Variants in ROR1 observed in about 807,000 individuals in gnomAD.
ROR1 encodes the protein inactive tyrosine-protein kinase transmembrane receptor ROR1.
A neutral mutation model predicts 78.8 loss-of-function variants in ROR1; 19 were observed. The observed-to-expected ratio is 0.24, with a 90% CI of 0.17 to 0.35. The LOEUF is 0.35. Ranked by LOEUF, ROR1 falls within the 10% of genes least tolerant of loss-of-function variation. The pLI, the probability that ROR1 is intolerant of heterozygous loss-of-function variation, is 1.00. For synonymous variants in ROR1, 386 were observed against 433.6 expected (o/e 0.89, Z 1.36); for missense variants, 917 against 1,177.8 (o/e 0.78, Z 3.24).
intron 1 of ROR1, among the ~76,000 whole-genome samples, chr1:63,955,233 T>C (rs984553618): frequency 2.0e-5 from 3 of 152,176 alleles, no homozygotes; most frequent in African/African-American, 7.2e-5. Flanking sequence ...CAGATATTAA[T>C]TTTACTTTTT....
rs376094036 is a variant in ROR1, at chr1:63,841,165, C to G, written c.91+66657C>G. 3.2e-4 allele frequency among the ~76,000 whole-genome samples: 49 copies of G among 152,284 alleles called. No individual in the cohort carries two copies. In the South Asian group the frequency reaches 9.9e-3, roughly 31 times the overall value. ...GTCTCATTGCCATTTATGAGGTATG[C>G]ATTTTCACTGTTTTCTTTTTACAAG... On this transcript the variant is annotated intron_variant, in intron 1 of 8. Transcript: ENST00000371079.
intron 1 of ROR1, among the ~76,000 whole-genome samples, chr1:63,987,476 G>A (rs982377248): frequency 6.6e-6 from 1 of 152,134 alleles, no homozygotes; most frequent in African/African-American, 2.4e-5. Flanking sequence ...CTCCTCAATT[G>A]TGGGATCTGG....
intron 1 of ROR1, among the ~76,000 whole-genome samples, chr1:63,863,094 C>G (rs1557532990): frequency 6.6e-6 from 1 of 152,212 alleles, no homozygotes; most frequent in East Asian, 1.9e-4. Flanking sequence ...GATCTCCTGA[C>G]TCCCACACCA....
At chr1:64,167,803 G>C (rs1383557224) in intron 8 of ROR1, among the ~76,000 whole-genome samples, 2 of 152,208 alleles carry the variant, frequency 1.3e-5, no homozygotes, top group African/African-American at 4.8e-5. Context: ...AGCTAGCAGA[G>C]ACAACAGAGC....
At chr1:63,837,218 C>T (rs1009731160) in intron 1 of ROR1, among the ~76,000 whole-genome samples, 15 of 152,328 alleles carry the variant, frequency 9.8e-5, no homozygotes, top group African/African-American at 3.4e-4. Flanking sequence ...TTGACCTCCA[C>T]AGTAGGGCTG....
intron 1 of ROR1, among the ~76,000 whole-genome samples, chr1:64,000,276 T>G (rs1646372058): frequency 6.6e-6 from 1 of 152,168 alleles, no homozygotes; most frequent in Non-Finnish European, 1.5e-5. Context: ...TGAAAGGAAA[T>G]GAAATGGAAC....
chr1:64,016,733 TTA>T (rs58622476), intron 2 of ROR1, among the ~76,000 whole-genome samples: 239 of 140,594 alleles, frequency 1.7e-3, no homozygotes, highest in Non-Finnish European at 2.6e-3. Context: ...TAAAATATAA[TTA>T]TATATATATA....
intron 2 of ROR1, among the ~76,000 whole-genome samples, chr1:64,020,280 C>G (rs1163651892): frequency 6.6e-6 from 1 of 152,212 alleles, no homozygotes; most frequent in African/African-American, 2.4e-5. Flanking sequence ...AGAATTCAAA[C>G]CCATGTTCTT....
chr1:63,835,846 T>A (rs575696801), intron 1 of ROR1, among the ~76,000 whole-genome samples: 3 of 152,372 alleles, frequency 2.0e-5, no homozygotes, highest in South Asian at 2.1e-4. Flanking sequence ...TAGAGCTTCA[T>A]TGAGACAACC....
intron 4 of ROR1, among the ~76,000 whole-genome samples, chr1:64,067,755 G>A (rs1569671252): frequency 7.7e-6 from 1 of 129,462 alleles, no homozygotes; most frequent in African/African-American, 3.0e-5. Context: ...CTCTGTCACC[G>A]AGGCTAGAGT....
intron 1 of ROR1, among the ~76,000 whole-genome samples, chr1:63,932,138 G>A (rs2100445472): frequency 6.6e-6 from 1 of 152,302 alleles, no homozygotes. Context: ...CATAAAGCCA[G>A]TATTATTAAC....
intron 4 of ROR1, among the ~76,000 whole-genome samples, chr1:64,103,896 G>A (rs1647673281): frequency 6.6e-6 from 1 of 152,100 alleles, no homozygotes; most frequent in Non-Finnish European, 1.5e-5. Context: ...TCTAGTGAGG[G>A]GGATTTTGCC....
At chr1:63,839,665 C>T (rs945998744) in intron 1 of ROR1, among the ~76,000 whole-genome samples, 4 of 152,054 alleles carry the variant, frequency 2.6e-5, no homozygotes, top group African/African-American at 9.7e-5. Flanking sequence ...GGTACATTTC[C>T]TTGCAGGCTT....
intron 7 of ROR1, among the ~76,000 whole-genome samples, chr1:64,144,970 A>C (rs1457235388): frequency 1.3e-5 from 2 of 152,214 alleles, no homozygotes; most frequent in African/African-American, 4.8e-5. Context: ...AAAATGAGAA[A>C]ATAATGATAT....
intron 1 of ROR1, among the ~76,000 whole-genome samples, chr1:63,894,759 G>A (rs1285897084): frequency 6.6e-6 from 1 of 152,174 alleles, no homozygotes; most frequent in Non-Finnish European, 1.5e-5. Flanking sequence ...GAAACTGGTA[G>A]TTACAAATAT....
chr1:64,069,674 C>G (rs1646986491), intron 4 of ROR1, among the ~76,000 whole-genome samples: 1 of 152,202 alleles, frequency 6.6e-6, no homozygotes, highest in Non-Finnish European at 1.5e-5. Flanking sequence ...CAGCCCACCA[C>G]TCTAGCAGGC....
At chr1:64,020,412 T>C in intron 2 of ROR1, among the ~76,000 whole-genome samples, 1 of 152,138 alleles carries the variant, frequency 6.6e-6, no homozygotes, top group East Asian at 1.9e-4. Flanking sequence ...TGGCTGAAGA[T>C]ACAAAAATGA....
At chr1:64,045,255 C>A (rs1001036132) in intron 2 of ROR1, among the ~76,000 whole-genome samples, 2 of 152,064 alleles carry the variant, frequency 1.3e-5, no homozygotes, top group African/African-American at 4.8e-5. Context: ...ACTAAAACAA[C>A]ATACCTCAAC....
chr1:64,149,645 C>G (rs1470885708), intron 7 of ROR1, among the ~76,000 whole-genome samples: 1 of 152,204 alleles, frequency 6.6e-6, no homozygotes, highest in Non-Finnish European at 1.5e-5. Context: ...CCCCATGTCT[C>G]CTCCAGTCCT....
Sources: allele counts gnomAD v4.1 joint callset (sites outside exome capture counted in the v4.1 genomes callset), GRCh38; gene constraint gnomAD v4.1.1; transcripts MANE v1.5; gene names NCBI Gene and HGNC (gene_info 2026-07-23, HGNC 2026-07-21).